The following RAPGEF2 variants were observed in gnomAD, a reference collection of about 807,000 sequenced individuals.
RAPGEF2 encodes the protein Rap guanine nucleotide exchange factor 2.
RAPGEF2 carries 54 observed loss-of-function variants against 186.7 expected under a neutral mutation model. That is an observed-to-expected ratio of 0.29 (90% CI 0.23 to 0.36). The LOEUF is 0.36. Among genes scored for constraint, RAPGEF2 ranks in the 10% least tolerant of loss-of-function variants. The pLI, the probability that RAPGEF2 is intolerant of heterozygous loss-of-function variation, is 1.00. For missense variants in RAPGEF2, 1,532 were observed against 2,045.0 expected (o/e 0.75, Z 4.84); for synonymous variants, 712 against 705.9 (o/e 1.01, Z -0.14).
At chr4:159,328,618 A>G (rs1402566531) in intron 11 of RAPGEF2, 2 of 152,210 alleles carry the variant, frequency 1.3e-5, no homozygotes, top group Non-Finnish European at 2.9e-5. Context: ...GTCGCTCATA[A>G]TTTGCATTGC....
chr4:159,345,058 G>A (rs1471598357), intron 23 of RAPGEF2, 48 bp from the exon 24 acceptor site: 1 of 1,473,090 alleles, frequency 6.8e-7, no homozygotes, highest in Non-Finnish European at 9.5e-7. Context: ...AATAGATAAA[G>A]TACTCCCATG....
intron 4 of RAPGEF2, among the ~76,000 whole-genome samples, chr4:159,231,657 A>G (rs1041980690): frequency 2.7e-4 from 41 of 152,170 alleles, no homozygotes; most frequent in Admixed American, 1.6e-3. Flanking sequence ...AATTTCAAAT[A>G]CAGAATGCTC....
chr4:159,106,371 C>T (rs1356383030), intron 1 of RAPGEF2, among the ~76,000 whole-genome samples: 1 of 151,622 alleles, frequency 6.6e-6, no homozygotes, highest in East Asian at 1.9e-4. Context: ...CCTGACTGGC[C>T]AGGAGTAATC....
At chr4:159,331,591 T>A in intron 14 of RAPGEF2, 39 bp from the exon 15 acceptor site, 3 of 1,611,304 alleles carry the variant, frequency 1.9e-6, no homozygotes, top group Non-Finnish European at 2.5e-6. Context: ...TTATTCAGCC[T>A]GTTCTTGAGT....
chr4:159,267,151 G>T (rs551689393), intron 7 of RAPGEF2: 7 of 1,275,990 alleles, frequency 5.5e-6, no homozygotes, highest in Non-Finnish European at 6.1e-6. Flanking sequence ...AGCCTTGCAG[G>T]TTAAGAGACA....
chr4:159,271,662 A>T (rs531740372), intron 7 of RAPGEF2, among the ~76,000 whole-genome samples: 1 of 152,240 alleles, frequency 6.6e-6, no homozygotes, highest in African/African-American at 2.4e-5. Context: ...ACCTACCCCT[A>T]TGTGACCAAA....
Position 159,331,359 on chromosome 4 carries a change from C to G in RAPGEF2, c.1468-72C>G, listed in dbSNP as rs904478396. On this transcript the variant is annotated intron_variant, in intron 13 of 29. Coordinates refer to ENST00000691494, the MANE Select transcript of RAPGEF2 (RefSeq NM_001394067.2). Reference sequence around the variant, plus strand: ...GGTAAATTATTTGAAAGTTGGATATCTTTTCTGGAATGATTTTAATCACAT... The same window carrying G: ...GGTAAATTATTTGAAAGTTGGATATGTTTTCTGGAATGATTTTAATCACAT... 7.1e-6 allele frequency: 6 copies of G among 847,682 alleles called. No homozygotes were observed. In the Admixed American group the frequency reaches 1.4e-4, roughly 19 times the overall value. The allele number at this position is 847,682 out of a possible 1,614,324, so 52.5% of individuals were successfully genotyped here. A position where few individuals can be genotyped will look rare whatever the true frequency, so the allele number is the denominator to read the frequency against.
At position 159,128,555 on chromosome 4, in the gene RAPGEF2, T is replaced by TAGAAA. The variant is rs543342842; in HGVS notation, c.69+24324_69+24325insAGAAA. On this transcript the variant is annotated intron_variant, in intron 1 of 29. Transcript: ENST00000691494. ...TTCTTAACATTTGGCTAGTAGTTTA[T>TAGAAA]TCACCCCTCTTTTTGGTGAATACAA... Among the ~76,000 whole-genome samples, 1,287 of 152,152 alleles carry TAGAAA rather than the reference T, an allele frequency of 8.5e-3. 21 individuals are homozygous for TAGAAA. The highest frequency in any genetic ancestry group is 0.029 in the African/African-American group (1,223 of 41,528).
chr4:159,339,477 T>C, intron 19 of RAPGEF2, 123 bp downstream of exon 19: 1 of 1,280,446 alleles, frequency 7.8e-7, no homozygotes, highest in Non-Finnish European at 1.1e-6. Context: ...TTAAAAAGTA[T>C]TGTTGTTGTT....
At chr4:159,172,969 G>A (rs1746068523) in intron 1 of RAPGEF2, among the ~76,000 whole-genome samples, 1 of 152,058 alleles carries the variant, frequency 6.6e-6, no homozygotes, top group South Asian at 2.1e-4. Flanking sequence ...TTCATGGATA[G>A]GTCTAAAAGA....
intron 17 of RAPGEF2, among the ~76,000 whole-genome samples, chr4:159,336,619 T>C (rs1048965240): frequency 3.9e-5 from 6 of 152,248 alleles, no homozygotes; most frequent in African/African-American, 1.4e-4. Context: ...TGAATTGTGC[T>C]GCTCTAAACA....
intron 7 of RAPGEF2, among the ~76,000 whole-genome samples, chr4:159,281,687 A>AAAAAAG (rs1759741678): frequency 6.8e-6 from 1 of 146,908 alleles, no homozygotes; most frequent in African/African-American, 2.6e-5. Flanking sequence ...AAAAAAAAAA[A>AAAAAAG]AAAGAAAAGG....
intron 7 of RAPGEF2, among the ~76,000 whole-genome samples, chr4:159,282,020 A>AG (rs1447731222): frequency 2.0e-5 from 3 of 152,152 alleles, no homozygotes; most frequent in Non-Finnish European, 4.4e-5. Context: ...TTCAATGTTC[A>AG]GAACCATTTT....
At position 159,127,629 on chromosome 4, in the gene RAPGEF2, G is replaced by A. The variant is rs565680423; in HGVS notation, c.69+23398G>A. The stretch of plus-strand genomic sequence containing the variant: ...TTTTAAACTGCAGAATTCCTCAAAG[G>A]TTAAACTACCTTTATGACCTTTATG... On this transcript the variant is annotated intron_variant, in intron 1 of 29. Transcript: ENST00000691494. Among the ~76,000 whole-genome samples the A allele has an allele frequency of 2.2e-4, 33 of 152,136 alleles. 1 individual carries two copies. The South Asian group carries it at 6.8e-3, about 32-fold the overall frequency.
At chr4:159,123,073 A>T (rs1739892345) in intron 1 of RAPGEF2, among the ~76,000 whole-genome samples, 2 of 152,208 alleles carry the variant, frequency 1.3e-5, no homozygotes, top group South Asian at 4.1e-4. Context: ...TATTTGTTGT[A>T]AGAAAATAGT....
chr4:159,165,819 A>C (rs903728556), intron 1 of RAPGEF2, among the ~76,000 whole-genome samples: 16 of 152,074 alleles, frequency 1.1e-4, no homozygotes, highest in Non-Finnish European at 5.9e-5. Context: ...TCTCGAATTT[A>C]TGGGCTCAGG....
chr4:159,235,136 T>C (rs904129459), intron 4 of RAPGEF2, among the ~76,000 whole-genome samples: 3 of 152,224 alleles, frequency 2.0e-5, no homozygotes, highest in Admixed American at 2.0e-4. Flanking sequence ...TGTGAGAAAC[T>C]TTTCAGTTCT....
Position 159,280,106 on chromosome 4 carries a change from T to A in RAPGEF2, c.544-24236T>A, listed in dbSNP as rs192148251. Among the ~76,000 whole-genome samples, 18 of 152,278 alleles carry A rather than the reference T, an allele frequency of 1.2e-4. No individual in the cohort carries two copies. In the East Asian group the frequency reaches 3.5e-3, roughly 29 times the overall value. On this transcript the variant is annotated intron_variant, in intron 7 of 29. Transcript: ENST00000691494. ...ATGTTATCCTTTTTTTAGACTTGGATTTAGAAAATAATCCTGCTTTGACTT... is the reference window on the plus strand; with the variant it reads ...ATGTTATCCTTTTTTTAGACTTGGAATTAGAAAATAATCCTGCTTTGACTT...
At chr4:159,237,069 A>G (rs1753350067) in intron 4 of RAPGEF2, among the ~76,000 whole-genome samples, 2 of 152,176 alleles carry the variant, frequency 1.3e-5, no homozygotes, top group South Asian at 4.1e-4. Context: ...TGCCCAGGCT[A>G]GAGTGCAGTG....
Sources: allele counts gnomAD v4.1 joint callset (sites outside exome capture counted in the v4.1 genomes callset), GRCh38; gene constraint gnomAD v4.1.1; transcripts MANE v1.5; gene names NCBI Gene and HGNC (gene_info 2026-07-23, HGNC 2026-07-21).